ARHGEF28: variants seen among roughly 807,000 people sequenced by gnomAD.
ARHGEF28 encodes Rho guanine nucleotide exchange factor 28.
Under a neutral mutation model 206.6 loss-of-function variants are expected in ARHGEF28, and 152 were observed. The ratio of observed to expected loss-of-function variants is 0.74; its 90% CI spans 0.64 to 0.84. ARHGEF28 has a LOEUF of 0.84. Among genes scored for constraint, ARHGEF28 ranks in the 40% least tolerant of loss-of-function variants. The pLI is 0.00. For synonymous variants in ARHGEF28, 763 were observed against 776.4 expected, an observed-to-expected ratio of 0.98 and a Z score of 0.29; for missense variants, 2,028 against 2,073.2, an observed-to-expected ratio of 0.98 and a Z score of 0.42.
At chr5:73,892,395 C>A (rs765788486) in intron 27 of ARHGEF28, among the ~76,000 whole-genome samples, 165 bp downstream of exon 27, 1 of 152,164 alleles carries the variant, frequency 6.6e-6, no homozygotes, top group South Asian at 2.1e-4. Flanking sequence ...TTCTCCTCCA[C>A]GCCTCCCTGC....
At chr5:73,872,426 A>G (rs1054825099) in intron 21 of ARHGEF28, among the ~76,000 whole-genome samples, 1 of 152,030 alleles carries the variant, frequency 6.6e-6, no homozygotes, top group South Asian at 2.1e-4. Flanking sequence ...ATTTTCTCCC[A>G]TTCTGTGCGT....
chr5:73,640,831 A>G (rs1331346290), intron 1 of ARHGEF28, among the ~76,000 whole-genome samples: 1 of 152,206 alleles, frequency 6.6e-6, no homozygotes, highest in Non-Finnish European at 1.5e-5. Flanking sequence ...CAAAAACTGT[A>G]GCTCCATTTG....
At chr5:73,877,184 C>T (rs1388413522) in intron 22 of ARHGEF28, among the ~76,000 whole-genome samples, 2 of 150,844 alleles carry the variant, frequency 1.3e-5, no homozygotes, top group African/African-American at 2.4e-5. Flanking sequence ...ATCCATTTCT[C>T]CTAGATTTTC....
chr5:73,933,634 A>G (rs1433453694), intron 35 of ARHGEF28, among the ~76,000 whole-genome samples: 1 of 152,226 alleles, frequency 6.6e-6, no homozygotes, highest in African/African-American at 2.4e-5. Context: ...GAACTTTTCA[A>G]ACCTATTCAA....
chr5:73,849,128 C>G, intron 13 of ARHGEF28, 41 bp downstream of exon 13: 3 of 1,357,876 alleles, frequency 2.2e-6, no homozygotes, highest in Non-Finnish European at 3.1e-6. Context: ...ACACTCTATT[C>G]CAGAACAGAT....
chr5:73,827,164 C>T (rs1457290697), intron 9 of ARHGEF28, among the ~76,000 whole-genome samples: 1 of 152,162 alleles, frequency 6.6e-6, no homozygotes, highest in Non-Finnish European at 1.5e-5. Context: ...TTTCTCTTCA[C>T]ATTTTATGTT....
chr5:73,873,281 G>A (rs369800311), intron 22 of ARHGEF28, 35 bp downstream of exon 22: 16 of 1,567,514 alleles, frequency 1.0e-5, no homozygotes, highest in African/African-American at 4.1e-5. Flanking sequence ...CCTTTATGAC[G>A]TAAGTGGGAT....
intron 11 of ARHGEF28, among the ~76,000 whole-genome samples, chr5:73,842,895 G>T (rs1001026696): frequency 2.0e-5 from 3 of 151,936 alleles, no homozygotes; most frequent in African/African-American, 7.2e-5. Context: ...GCTGAGGCAG[G>T]CTCATTGCCT....
chr5:73,692,740 G>A (rs983385748), intron 2 of ARHGEF28, among the ~76,000 whole-genome samples: 1 of 152,202 alleles, frequency 6.6e-6, no homozygotes, highest in African/African-American at 2.4e-5. Flanking sequence ...TGTCTGGATG[G>A]ACTCTTCCCC....
chr5:73,707,292 G>A (rs1748995794), intron 2 of ARHGEF28, among the ~76,000 whole-genome samples: 1 of 152,196 alleles, frequency 6.6e-6, no homozygotes, highest in Non-Finnish European at 1.5e-5. Flanking sequence ...TGTTTGGAAG[G>A]CACGTTTGTT....
At chr5:73,773,312 T>C (rs559493485) in intron 4 of ARHGEF28, among the ~76,000 whole-genome samples, 1 of 152,136 alleles carries the variant, frequency 6.6e-6, no homozygotes, top group South Asian at 2.1e-4. Flanking sequence ...ATCTCAGGGA[T>C]TTAGTAGATG....
At chr5:73,864,985 T>G in intron 17 of ARHGEF28, 113 bp downstream of exon 17, 1 of 908,712 alleles carries the variant, frequency 1.1e-6, no homozygotes, top group Non-Finnish European at 1.7e-6. Flanking sequence ...GCGATCATGA[T>G]AGCGATAACA....
At chr5:73,792,047 G>A (rs1255891164) in intron 7 of ARHGEF28, among the ~76,000 whole-genome samples, 1 of 152,136 alleles carries the variant, frequency 6.6e-6, no homozygotes, top group Non-Finnish European at 1.5e-5. Flanking sequence ...TAGAATGAAT[G>A]CCAAATTCTT....
intron 4 of ARHGEF28, among the ~76,000 whole-genome samples, chr5:73,763,923 A>C (rs961240014): frequency 4.6e-5 from 7 of 152,200 alleles, no homozygotes; most frequent in African/African-American, 1.4e-4. Flanking sequence ...TATGCCTTTA[A>C]ATTGTGACCA....
intron 31 of ARHGEF28, chr5:73,903,900 T>C: frequency 5.9e-6 from 2 of 336,340 alleles, no homozygotes; most frequent in South Asian, 5.5e-5. Flanking sequence ...TCAATTCACA[T>C]TGTGGTTTGC....
chr5:73,768,813 C>A (rs1282243996), intron 4 of ARHGEF28, among the ~76,000 whole-genome samples: 3 of 151,952 alleles, frequency 2.0e-5, no homozygotes, highest in Non-Finnish European at 2.9e-5. Context: ...TGGCTGTGTC[C>A]TCACCCAAAT....
chr5:73,831,761 G>A (rs1354850462), intron 9 of ARHGEF28, among the ~76,000 whole-genome samples: 2 of 152,202 alleles, frequency 1.3e-5, no homozygotes, highest in South Asian at 2.1e-4. Context: ...GCACGGTCTC[G>A]GCTCACCGCA....
chr5:73,679,566 CAA>C (rs552307895), intron 1 of ARHGEF28, among the ~76,000 whole-genome samples: 27 of 62,478 alleles, frequency 4.3e-4, no homozygotes, highest in Admixed American at 5.2e-4. Context: ...GACTCTGTCT[CAA>C]AAAAAAAAAA....
At chr5:73,936,427 C>T (rs749362590) in intron 35 of ARHGEF28, among the ~76,000 whole-genome samples, 23 of 152,332 alleles carry the variant, frequency 1.5e-4, no homozygotes, top group Non-Finnish European at 2.2e-4. Context: ...TGCATTTCAA[C>T]GCTTCATACC....
Sources: gnomAD v4.1 joint callset for allele counts (sites outside exome capture counted in the v4.1 genomes callset) on GRCh38, gnomAD v4.1.1 for gene constraint, MANE v1.5 for transcripts, NCBI Gene and HGNC (gene_info 2026-07-23, HGNC 2026-07-21) for gene names.